PTPRD: variants seen among roughly 807,000 people sequenced by gnomAD.
PTPRD encodes the protein receptor-type tyrosine-protein phosphatase delta.
A neutral mutation model predicts 214.5 loss-of-function variants in PTPRD; 34 were observed. That is an observed-to-expected ratio of 0.16 (90% CI 0.12 to 0.21). The LOEUF is 0.21. PTPRD is among the 10% of genes least tolerant of loss of function. PTPRD has a pLI of 1.00. For missense variants in PTPRD, 2,545 were observed against 2,398.7 expected, an observed-to-expected ratio of 1.06 and a Z score of -1.27; for synonymous variants, 1,128 against 845.7, an observed-to-expected ratio of 1.33 and a Z score of -5.79.
chr9:8,438,589 G>C (rs1351021854), intron 34 of PTPRD: 4 of 152,220 alleles, frequency 2.6e-5, no homozygotes, highest in Non-Finnish European at 4.4e-5. Flanking sequence ...GAAAAGAATG[G>C]AAATGCAAAG....
At chr9:9,407,824 T>G (rs2141730088) in intron 8 of PTPRD, among the ~76,000 whole-genome samples, 1 of 151,956 alleles carries the variant, frequency 6.6e-6, no homozygotes, top group East Asian at 1.9e-4. Context: ...TAGTTGCAAT[T>G]GTATTACTAT....
chr9:8,571,515 T>A (rs571649362), intron 14 of PTPRD, among the ~76,000 whole-genome samples: 1 of 152,102 alleles, frequency 6.6e-6, no homozygotes, highest in Non-Finnish European at 1.5e-5. Flanking sequence ...CATAAGGAAA[T>A]AAGCATTTTG....
intron 3 of PTPRD, among the ~76,000 whole-genome samples, chr9:10,128,615 C>T (rs762707726): frequency 7.2e-5 from 11 of 152,148 alleles, no homozygotes; most frequent in Non-Finnish European, 1.5e-4. Context: ...CATATTGTGG[C>T]ATTTTGTTAT....
intron 14 of PTPRD, among the ~76,000 whole-genome samples, chr9:8,599,299 C>T (rs2094666140): frequency 6.6e-6 from 1 of 152,094 alleles, no homozygotes; most frequent in South Asian, 2.1e-4. Context: ...TCTTTATTAG[C>T]AGCGTGGGAA....
chr9:8,437,425 C>A (rs1379552132), intron 34 of PTPRD, among the ~76,000 whole-genome samples: 1 of 152,110 alleles, frequency 6.6e-6, no homozygotes, highest in East Asian at 1.9e-4. Flanking sequence ...ATTTCACAAA[C>A]CTGTAGGTGA....
intron 2 of PTPRD, among the ~76,000 whole-genome samples, chr9:10,342,523 T>C (rs1308613025): frequency 1.3e-5 from 2 of 152,090 alleles, no homozygotes; most frequent in Non-Finnish European, 2.9e-5. Flanking sequence ...AATTATACAC[T>C]AGAAAACACA....
At chr9:10,303,721 C>A (rs2095949842) in intron 3 of PTPRD, among the ~76,000 whole-genome samples, 1 of 151,602 alleles carries the variant, frequency 6.6e-6, no homozygotes, top group East Asian at 1.9e-4. Context: ...AAGAAGAAGT[C>A]CAATCTCTGA....
chr9:8,389,696 C>G (rs1564478684), intron 36 of PTPRD, among the ~76,000 whole-genome samples: 1 of 152,030 alleles, frequency 6.6e-6, no homozygotes, highest in Admixed American at 6.6e-5. Flanking sequence ...TTCTCTGTTG[C>G]ACTGGCAAAA....
chr9:8,837,597 A>C (rs1275464691), intron 11 of PTPRD, among the ~76,000 whole-genome samples: 1 of 152,142 alleles, frequency 6.6e-6, no homozygotes, highest in African/African-American at 2.4e-5. Context: ...CCCAAGCTCA[A>C]GTGATTCTTC....
chr9:8,570,965 A>T (rs770849984), intron 14 of PTPRD, among the ~76,000 whole-genome samples: 8 of 151,908 alleles, frequency 5.3e-5, no homozygotes, highest in Non-Finnish European at 1.2e-4. Flanking sequence ...TTATACTTAA[A>T]CACTCTTGAA....
intron 3 of PTPRD, among the ~76,000 whole-genome samples, chr9:10,279,259 T>C (rs970922716): frequency 1.2e-4 from 18 of 152,140 alleles, no homozygotes; most frequent in African/African-American, 4.1e-4. Flanking sequence ...TGAAAAAATA[T>C]TGAATGTAGA....
intron 11 of PTPRD, among the ~76,000 whole-genome samples, chr9:8,871,226 C>A (rs921488178): frequency 1.3e-5 from 2 of 152,122 alleles, no homozygotes; most frequent in African/African-American, 4.8e-5. Flanking sequence ...AAGCCAAACC[C>A]ACCAACAACT....
At chr9:9,577,060 A>G (rs1257368350) in intron 7 of PTPRD, among the ~76,000 whole-genome samples, 1 of 152,152 alleles carries the variant, frequency 6.6e-6, no homozygotes, top group Non-Finnish European at 1.5e-5. Flanking sequence ...TTGGGTATGT[A>G]GATTGTAAGT....
At chr9:9,997,332 C>A (rs1421009400) in intron 4 of PTPRD, among the ~76,000 whole-genome samples, 3 of 146,714 alleles carry the variant, frequency 2.0e-5, no homozygotes, top group African/African-American at 7.6e-5. Context: ...GTTGCCCAGT[C>A]TGGAGTGCAA....
In PTPRD at chr9:9,321,904, T is replaced by C. The variant is rs546496204; in HGVS notation, c.-203+75545A>G. On this transcript the variant is annotated intron_variant, in intron 9 of 45. Transcript: ENST00000381196. Reference sequence around the variant, plus strand: ...CTTTATGGTAATAGACCTAATTAACTTGATTTTGATTGAGGTACTTTATCG... The same window carrying C: ...CTTTATGGTAATAGACCTAATTAACCTGATTTTGATTGAGGTACTTTATCG... Among the ~76,000 whole-genome samples the C allele has an allele frequency of 1.3e-4, 20 of 152,322 alleles. No homozygotes were observed. The East Asian group carries it at 3.5e-3, about 26-fold the overall frequency.
At chr9:8,577,235 ATTTGTTTG>A (rs35757801) in intron 14 of PTPRD, among the ~76,000 whole-genome samples, 34 of 150,448 alleles carry the variant, frequency 2.3e-4, no homozygotes, top group Non-Finnish European at 3.0e-4. Context: ...TTTATTTTTT[ATTTGTTTG>A]TTTGTTTGTT....
At chr9:8,919,998 T>C (rs7854221) in intron 11 of PTPRD, among the ~76,000 whole-genome samples, 17,647 of 146,752 alleles carry the variant, frequency 0.12, 1,436 homozygotes, top group East Asian at 0.38. Context: ...ATCAGGAGTA[T>C]ATATATATAA....
chr9:10,072,866 T>C (rs949647493), intron 3 of PTPRD, among the ~76,000 whole-genome samples: 2 of 152,080 alleles, frequency 1.3e-5, no homozygotes, highest in Non-Finnish European at 2.9e-5. Flanking sequence ...TTTGAAAATA[T>C]ATAGCCACAT....
At chr9:10,205,222 T>G (rs1441125783) in intron 3 of PTPRD, among the ~76,000 whole-genome samples, 1 of 151,952 alleles carries the variant, frequency 6.6e-6, no homozygotes, top group Non-Finnish European at 1.5e-5. Context: ...AAAGTTTTAT[T>G]TCAGAATTTT....
Sources: gnomAD v4.1 joint callset for allele counts (sites outside exome capture counted in the v4.1 genomes callset) on GRCh38, gnomAD v4.1.1 for gene constraint, MANE v1.5 for transcripts, NCBI Gene and HGNC (gene_info 2026-07-23, HGNC 2026-07-21) for gene names.